POC1B: variants seen among roughly 807,000 people sequenced by gnomAD.
POC1B encodes the protein POC1 centriolar protein B.
In POC1B, 44 loss-of-function variants were observed where a neutral mutation model predicts 60.6. That is an observed-to-expected ratio of 0.73 (90% CI 0.57 to 0.93). The LOEUF (loss-of-function observed/expected upper bound fraction) is 0.93, where lower values mean the gene tolerates loss of function less well. POC1B is among the 40% of genes least tolerant of loss of function. The probability of loss-of-function intolerance (pLI) is 0.00; values close to 1 mark genes in which losing one functional copy is unlikely to be tolerated. For missense variants in POC1B, 555 were observed against 572.3 expected, an observed-to-expected ratio of 0.97 and a Z score of 0.31; for synonymous variants, 180 against 198.9, an observed-to-expected ratio of 0.90 and a Z score of 0.80.
chr12:89,423,507 C>A (rs1318107462), intron 11 of POC1B, among the ~76,000 whole-genome samples: 1 of 152,110 alleles, frequency 6.6e-6, no homozygotes, highest in Non-Finnish European at 1.5e-5. Context: ...TTATTAACAC[C>A]TTTAACACTG....
Position 89,425,350 on chromosome 12 carries a change from T to TGGCAGAGTCCTACCA in POC1B, c.1128_1142dup (p.Gly377_Pro381dup), listed in dbSNP as rs1880720080. 1.9e-6 allele frequency: 3 copies of TGGCAGAGTCCTACCA among 1,614,046 alleles called. No individual in the cohort carries two copies. In the Admixed American group the frequency reaches 5.0e-5, roughly 27 times the overall value. ...ATCCACAGGCCTCTTCACCCTTGTC[T>TGGCAGAGTCCTACCA]GGCAGAGTCCTACCACTGGTTTCTG... On this transcript the variant is annotated inframe_insertion, in exon 11 of 12. Coordinates refer to ENST00000313546, the MANE Select transcript of POC1B (RefSeq NM_172240.3).
At chr12:89,419,012 C>T (rs963214778), downstream of POC1B, among the ~76,000 whole-genome samples, 10 of 151,928 alleles carry the variant, frequency 6.6e-5, no homozygotes, top group African/African-American at 2.4e-4. Context: ...TACATTCTGA[C>T]AAAATGTCCT....
intron 10 of POC1B, among the ~76,000 whole-genome samples, chr12:89,436,831 T>G (rs1328415622): frequency 6.6e-6 from 1 of 152,148 alleles, no homozygotes; most frequent in Non-Finnish European, 1.5e-5. Context: ...ATAATCATTA[T>G]CGAATACTAT....
At chr12:89,479,732 C>T (rs1883248851) in intron 4 of POC1B, among the ~76,000 whole-genome samples, 1 of 151,944 alleles carries the variant, frequency 6.6e-6, no homozygotes. Flanking sequence ...ATTTTAATTA[C>T]TTAAGTCCAT....
At chr12:89,518,304 G>A (rs910054505) in intron 2 of POC1B, among the ~76,000 whole-genome samples, 2 of 151,984 alleles carry the variant, frequency 1.3e-5, no homozygotes, top group African/African-American at 2.4e-5. Context: ...CTAATACTAA[G>A]CAGACTGATT....
intron 3 of POC1B, among the ~76,000 whole-genome samples, chr12:89,494,404 T>C (rs1869138082): frequency 6.6e-6 from 1 of 152,086 alleles, no homozygotes; most frequent in Admixed American, 6.6e-5. Flanking sequence ...TATCTGCAAA[T>C]ATGGCTGCCA....
At chr12:89,479,831 G>A (rs933858329) in intron 4 of POC1B, among the ~76,000 whole-genome samples, 4 of 151,996 alleles carry the variant, frequency 2.6e-5, no homozygotes, top group Non-Finnish European at 5.9e-5. Flanking sequence ...CCATGCACTG[G>A]GAGGAAAAGC....
chr12:89,500,535 C>G, intron 2 of POC1B: 2 of 1,606,638 alleles, frequency 1.2e-6, no homozygotes, highest in Non-Finnish European at 8.5e-7. Flanking sequence ...CACAGTGAAG[C>G]TGATGAAGAA....
chr12:89,477,377 G>A (rs538379437), intron 4 of POC1B, among the ~76,000 whole-genome samples: 1 of 152,160 alleles, frequency 6.6e-6, no homozygotes, highest in South Asian at 2.1e-4. Context: ...TTACTTGTTC[G>A]GGAATTTACC....
At chr12:89,414,598 G>A in the POC1B span, among the ~76,000 whole-genome samples, 1 of 152,140 alleles carries the variant, frequency 6.6e-6, no homozygotes, top group South Asian at 2.1e-4. Flanking sequence ...CTAAAACCTC[G>A]TGACTTGCTA....
chr12:89,481,522 C>T (rs77205437), intron 4 of POC1B, among the ~76,000 whole-genome samples: 1,812 of 152,270 alleles, frequency 0.012, 36 homozygotes, highest in African/African-American at 0.042. Flanking sequence ...AGCAGTCTCA[C>T]TGGGCACAGG....
At chr12:89,509,847 T>C (rs1287767995) in intron 2 of POC1B, among the ~76,000 whole-genome samples, 2 of 152,124 alleles carry the variant, frequency 1.3e-5, no homozygotes, top group South Asian at 2.1e-4. Context: ...AGTTCAGGAT[T>C]CAATTTTGGT....
At chr12:89,464,407 C>T (rs2120821515) in intron 9 of POC1B, among the ~76,000 whole-genome samples, 1 of 149,646 alleles carries the variant, frequency 6.7e-6, no homozygotes, top group East Asian at 2.0e-4. Context: ...CAATTTGGTA[C>T]TTAACAATTA....
intron 3 of POC1B, among the ~76,000 whole-genome samples, chr12:89,496,082 A>T (rs1869230857): frequency 6.6e-6 from 1 of 151,962 alleles, no homozygotes; most frequent in African/African-American, 2.4e-5. Flanking sequence ...ATTATTACAT[A>T]CTCACTATAA....
chr12:89,421,874 A>T (rs1880549893), intron 11 of POC1B, among the ~76,000 whole-genome samples: 1 of 152,188 alleles, frequency 6.6e-6, no homozygotes. Context: ...CGGTTTGAAT[A>T]ATCCTGTACT....
At chr12:89,512,118 C>A (rs561944531) in intron 2 of POC1B, among the ~76,000 whole-genome samples, 1 of 152,304 alleles carries the variant, frequency 6.6e-6, no homozygotes, top group Non-Finnish European at 1.5e-5. Flanking sequence ...ATATTCCAAT[C>A]TTGACTAGAC....
intron 9 of POC1B, chr12:89,460,999 C>T (rs1421189464): frequency 6.6e-6 from 1 of 152,054 alleles, no homozygotes; most frequent in African/African-American, 2.4e-5. Flanking sequence ...AGTGTACTAA[C>T]GAACCTTAAA....
intron 10 of POC1B, among the ~76,000 whole-genome samples, chr12:89,454,903 GTGAGTA>G (rs1272586619): frequency 2.6e-5 from 4 of 151,922 alleles, no homozygotes; most frequent in Non-Finnish European, 5.9e-5. Context: ...ACATGTATGT[GTGAGTA>G]GGCATCCTTC....
chr12:89,431,050 A>C (rs1881009168), intron 10 of POC1B, among the ~76,000 whole-genome samples: 1 of 152,062 alleles, frequency 6.6e-6, no homozygotes, highest in Admixed American at 6.6e-5. Flanking sequence ...TTTATCCCCT[A>C]AAGGCATACT....
Sources: allele counts gnomAD v4.1 joint callset (sites outside exome capture counted in the v4.1 genomes callset), GRCh38; gene constraint gnomAD v4.1.1; transcripts MANE v1.5; gene names NCBI Gene and HGNC (gene_info 2026-07-23, HGNC 2026-07-21).